RBM5: variants seen among roughly 807,000 people sequenced by gnomAD.
RBM5 encodes the protein RNA binding motif protein 5, also known as RNA-binding protein 5.
A neutral mutation model predicts 124.6 loss-of-function variants in RBM5; 15 were observed. The ratio of observed to expected loss-of-function variants is 0.12; its 90% CI spans 0.08 to 0.19. The LOEUF is 0.19. Among genes scored for constraint, RBM5 ranks in the 10% least tolerant of loss-of-function variants. RBM5 has a pLI of 1.00. For synonymous variants in RBM5, 337 were observed against 361.2 expected (o/e 0.93, Z 0.76); for missense variants, 580 against 1,026.5 (o/e 0.57, Z 5.94).
chr3:50,090,222 A>G lies in RBM5; in HGVS notation c.-53-160A>G, dbSNP rs545631342. ...GTTAACAAAATGTTAGCACGATTTTAACGTTGACAGTTTGTCCCCACCACT... is the reference window on the plus strand; with the variant it reads ...GTTAACAAAATGTTAGCACGATTTTGACGTTGACAGTTTGTCCCCACCACT... On this transcript the variant is annotated intron_variant, in intron 1 of 24. Coordinates refer to ENST00000347869, the MANE Select transcript of RBM5 (RefSeq NM_005778.4). The G allele has an allele frequency of 9.8e-6, 5 of 510,262 alleles. No individual in the cohort carries two copies. In the East Asian group the frequency reaches 1.6e-4, roughly 17 times the overall value. The allele number at this position is 510,262 out of a possible 1,614,324, so 31.6% of individuals were successfully genotyped here. A position where few individuals can be genotyped will look rare whatever the true frequency, so the allele number is the denominator to read the frequency against.
In RBM5 at chr3:50,100,202, T is replaced by C. The variant is rs1472711678; in HGVS notation, c.409+151T>C. ...AAGGAATGTGACTCTTTGAAAACCA[T>C]GTTAGCATCTGAGGAACTTTTTTAA... On this transcript the variant is annotated intron_variant, in intron 5 of 24. Transcript: ENST00000347869. The surrounding 1 kb of genome is among the most constrained non-coding windows in gnomAD (Gnocchi z 5.1). 2.7e-6 allele frequency: 2 copies of C among 741,674 alleles called. No homozygotes were observed. The highest frequency in any genetic ancestry group is 1.8e-5 in the African/African-American group (1 of 55,564). 45.9% of individuals were successfully genotyped at this position (741,674 alleles called of 1,614,324 possible). A position where few individuals can be genotyped will look rare whatever the true frequency, so the allele number is the denominator to read the frequency against.
intron 18 of RBM5, 142 bp from the exon 19 acceptor site, chr3:50,113,808 C>T: frequency 3.8e-6 from 4 of 1,059,654 alleles, no homozygotes; most frequent in Non-Finnish European, 5.5e-6. Flanking sequence ...GTGATAACAT[C>T]TAATGGAAAT....
Position 50,117,575 on chromosome 3 carries a change from G to A in RBM5, c.2322+196G>A. ...GAGGGTGGATTGCCTGAGCCCAGAA[G>A]TTTGAGACCAGCCTGGGCAACACGG... is the stretch of plus-strand genomic sequence containing the variant. On this transcript the variant is annotated intron_variant, in intron 24 of 24. Transcript: ENST00000347869. The surrounding 1 kb of genome is among the most constrained non-coding windows in gnomAD (Gnocchi z 4.2). 1 of 630,884 alleles carries A rather than the reference G, an allele frequency of 1.6e-6. No homozygotes were observed. The allele number at this position is 630,884 out of a possible 1,614,324, so 39.1% of individuals were successfully genotyped here.
Position 50,093,608 on chromosome 3 carries a change from G to A in RBM5, c.184-112G>A, listed in dbSNP as rs1000497898. The A allele has an allele frequency of 1.8e-5, 22 of 1,200,766 alleles. 1 individual carries two copies. The Admixed American group carries it at 4.1e-4, about 23-fold the overall frequency. 74.4% of individuals were successfully genotyped at this position (1,200,766 alleles called of 1,614,324 possible). A position where few individuals can be genotyped will look rare whatever the true frequency, so the allele number is the denominator to read the frequency against. On this transcript the variant is annotated intron_variant, in intron 3 of 24. Coordinates refer to ENST00000347869, the MANE Select transcript of RBM5 (RefSeq NM_005778.4). Reference sequence around the variant, plus strand: ...AAATTGCAGTGAACATTACCATGGAGTGCTTGTGTAATCTCTGTACACTTC... The same window carrying A: ...AAATTGCAGTGAACATTACCATGGAATGCTTGTGTAATCTCTGTACACTTC...
At chr3:50,094,021 T>C in intron 4 of RBM5, 146 bp downstream of exon 4, 1 of 807,882 alleles carries the variant, frequency 1.2e-6, no homozygotes, top group Non-Finnish European at 1.8e-6. Context: ...CAGAACTGTT[T>C]TGATATTTTT....
At chr3:50,098,720 G>T (rs545934861) in intron 4 of RBM5, among the ~76,000 whole-genome samples, 2 of 152,180 alleles carry the variant, frequency 1.3e-5, no homozygotes, top group East Asian at 3.9e-4. Context: ...GGAATTACAG[G>T]CGTGAGCCAC....
intron 2 of RBM5, among the ~76,000 whole-genome samples, chr3:50,090,958 G>A (rs1168257493): frequency 6.6e-6 from 1 of 152,246 alleles, no homozygotes; most frequent in African/African-American, 2.4e-5. Context: ...GCTTGGGACT[G>A]TGTGTTACAT....
chr3:50,115,661 T>C, intron 21 of RBM5, 54 bp downstream of exon 21: 3 of 1,550,388 alleles, frequency 1.9e-6, no homozygotes, highest in Non-Finnish European at 2.6e-6. Flanking sequence ...GTGAGACAAT[T>C]TGAGTGCCCT....
rs775474747 is a variant in RBM5, at chr3:50,116,000, A to G, written c.2094+20A>G. 81 of 1,594,738 alleles carry G rather than the reference A, an allele frequency of 5.1e-5. No individual in the cohort carries two copies. The Middle Eastern group carries it at 1.5e-3, about 29-fold the overall frequency. On this transcript the variant is annotated intron_variant, in intron 22 of 24. Coordinates refer to ENST00000347869, the MANE Select transcript of RBM5 (RefSeq NM_005778.4). ...AGAGAGGTGAATGGGAAACTGTGCC[A>G]CAAGGAAGAGGATATTGGGATAATT...
chr3:50,116,179 G>A, intron 22 of RBM5, 199 bp downstream of exon 22: 1 of 568,954 alleles, frequency 1.8e-6, no homozygotes, highest in South Asian at 2.1e-5. Context: ...TCATCATAAG[G>A]GTGCACAAGG....
chr3:50,098,525 C>G (rs558391755), intron 4 of RBM5, among the ~76,000 whole-genome samples: 1 of 152,200 alleles, frequency 6.6e-6, no homozygotes. Flanking sequence ...TCACTGCAAC[C>G]TCCGCCTCCC....
At chr3:50,107,140 A>G in intron 11 of RBM5, 2 of 665,328 alleles carry the variant, frequency 3.0e-6, no homozygotes, top group South Asian at 3.0e-5. Flanking sequence ...GCAGCAGTAT[A>G]GTGCTAACCC....
Position 50,110,464 on chromosome 3 carries a change from G to GT in RBM5, c.1363+2dup, listed in dbSNP as rs1399105160. On this transcript the variant is annotated splice_donor_variant, in intron 16 of 24. Coordinates refer to ENST00000347869, the MANE Select transcript of RBM5 (RefSeq NM_005778.4). LOFTEE classifies it high-confidence loss of function. Reference sequence around the variant, plus strand: ...GGTGTAGTTCCTGGTACCAAATATGGTAAGCCAAACCTCATGGGGCTGTTG... The same window carrying GT: ...GGTGTAGTTCCTGGTACCAAATATGGTTAAGCCAAACCTCATGGGGCTGTTG... 6.2e-7 allele frequency: 1 copy of GT among 1,612,920 alleles called. No individual in the cohort carries two copies. Among genetic ancestry groups the GT allele is most frequent in the Admixed American group, 1.7e-5 (1 of 59,966 alleles).
chr3:50,105,205 G>T, intron 9 of RBM5, 63 bp downstream of exon 9: 1 of 1,358,224 alleles, frequency 7.4e-7, no homozygotes, highest in South Asian at 1.2e-5. Flanking sequence ...TCAGGAGATG[G>T]AGACCATCCT....
At chr3:50,102,923 G>A in intron 6 of RBM5, 160 bp from the exon 7 acceptor site, 1 of 625,480 alleles carries the variant, frequency 1.6e-6, no homozygotes, top group South Asian at 1.8e-5. Flanking sequence ...CTGCCTATCT[G>A]AAGGATTGGA....
chr3:50,102,428 C>A (rs1019058124), intron 6 of RBM5: 32 of 152,098 alleles, frequency 2.1e-4, no homozygotes, highest in Non-Finnish European at 5.9e-5. Flanking sequence ...GTGAAAAACA[C>A]ATCTGTCACC....
chr3:50,100,647 C>A lies in RBM5; in HGVS notation c.483+42C>A, dbSNP rs771102950. The stretch of plus-strand genomic sequence containing the variant: ...AGTCTAGATATTCATGAAAATGGAA[C>A]AAGTCTGTACAATTTTAAAAAAAGG... On this transcript the variant is annotated intron_variant, in intron 6 of 24. Coordinates refer to ENST00000347869, the MANE Select transcript of RBM5 (RefSeq NM_005778.4). This position sits in a 1 kb window ranked among gnomAD's most constrained non-coding sequence, Gnocchi z 5.1. 3 of 1,484,886 alleles carry A rather than the reference C, an allele frequency of 2.0e-6. No homozygotes were observed. The highest frequency in any genetic ancestry group is 9.4e-7 in the Non-Finnish European group (1 of 1,067,840). 92.0% of individuals were successfully genotyped at this position (1,484,886 alleles called of 1,614,324 possible).
Position 50,115,408 on chromosome 3 carries a change from T to C in RBM5, c.1840-20T>C. 1 of 1,608,988 alleles carries C rather than the reference T, an allele frequency of 6.2e-7. No individual in the cohort carries two copies. Among genetic ancestry groups the C allele is most frequent in the Non-Finnish European group, 8.5e-7 (1 of 1,178,818 alleles). On this transcript the variant is annotated intron_variant, in intron 20 of 24. Transcript: ENST00000347869. ...TTCCTATTGTACATTTCCAGTGACC[T>C]GTCCTCCTTTTGTCTCCAGAGGGGT...
intron 3 of RBM5, among the ~76,000 whole-genome samples, chr3:50,092,517 G>T (rs942114492): frequency 1.3e-5 from 2 of 148,180 alleles, no homozygotes; most frequent in Admixed American, 6.8e-5. Flanking sequence ...AGCTGAGATT[G>T]TATCAGTGCT....
Sources: gnomAD v4.1 joint callset for allele counts (sites outside exome capture counted in the v4.1 genomes callset) on GRCh38, gnomAD v4.1.1 for gene constraint, Gnocchi (gnomAD v3.1) non-coding constraint, MANE v1.5 for transcripts, NCBI Gene and HGNC (gene_info 2026-07-23, HGNC 2026-07-21) for gene names.